The following NRXN1 variants were observed in gnomAD, a reference collection of about 807,000 sequenced individuals.
NRXN1 encodes the protein neurexin-1.
In NRXN1, 39 loss-of-function variants were observed where a neutral mutation model predicts 150.9. That is an observed-to-expected ratio of 0.26 (90% confidence interval 0.20 to 0.34). NRXN1 has a LOEUF of 0.34. Among genes scored for constraint, NRXN1 ranks in the 10% least tolerant of loss-of-function variants. The pLI is 1.00. For synonymous variants in NRXN1, 924 were observed against 757.0 expected (o/e 1.22, Z -3.62); for missense variants, 1,815 against 1,949.9 (o/e 0.93, Z 1.30).
At chr2:50,021,196 A>G (rs1687510835) in intron 21 of NRXN1, among the ~76,000 whole-genome samples, 2 of 152,302 alleles carry the variant, frequency 1.3e-5, no homozygotes, top group South Asian at 2.1e-4. Context: ...TACTGCACAA[A>G]TAGTGCTAAT....
intron 5 of NRXN1, among the ~76,000 whole-genome samples, chr2:50,699,150 T>C (rs1693375370): frequency 6.6e-6 from 1 of 152,126 alleles, no homozygotes; most frequent in African/African-American, 2.4e-5. Context: ...CAACAAACTC[T>C]TTTCTCTTAA....
At chr2:50,987,600 T>G (rs1697920223) in intron 2 of NRXN1, among the ~76,000 whole-genome samples, 1 of 152,018 alleles carries the variant, frequency 6.6e-6, no homozygotes, top group South Asian at 2.1e-4. Context: ...AAATCAGCGC[T>G]TCATGACCAC....
intron 17 of NRXN1, among the ~76,000 whole-genome samples, chr2:50,328,579 C>CA (rs1194231730): frequency 4.3e-4 from 64 of 149,834 alleles, no homozygotes; most frequent in African/African-American, 9.6e-4. Context: ...ACGAAAAATA[C>CA]AAAAAAAAAT....
At chr2:50,212,427 C>G (rs1574518675) in intron 18 of NRXN1, among the ~76,000 whole-genome samples, 1 of 147,882 alleles carries the variant, frequency 6.8e-6, no homozygotes. Flanking sequence ...GTGTGTGACC[C>G]TACAACTTAA....
intron 20 of NRXN1, among the ~76,000 whole-genome samples, chr2:50,054,292 T>C (rs963558757): frequency 6.6e-6 from 1 of 152,004 alleles, no homozygotes; most frequent in African/African-American, 2.4e-5. Context: ...TCAGGAATGA[T>C]ACACAAACCG....
chr2:50,551,312 C>G (rs895055480), intron 9 of NRXN1: 1 of 152,086 alleles, frequency 6.6e-6, no homozygotes, highest in African/African-American at 2.4e-5. Context: ...TTCTCAATTT[C>G]CATATATTCT....
intron 21 of NRXN1, chr2:50,023,598 G>T (rs1687877133): frequency 6.6e-6 from 1 of 152,178 alleles, no homozygotes; most frequent in Admixed American, 6.5e-5. Flanking sequence ...ATTCAAAAAT[G>T]AGGGAAGCAA....
At chr2:50,818,697 C>T (rs1323680509) in intron 5 of NRXN1, among the ~76,000 whole-genome samples, 1 of 151,758 alleles carries the variant, frequency 6.6e-6, no homozygotes, top group African/African-American at 2.4e-5. Context: ...AACTAAAAAG[C>T]ATATGTGCAG....
intron 18 of NRXN1, among the ~76,000 whole-genome samples, chr2:50,229,352 G>T (rs2064721341): frequency 6.6e-6 from 1 of 151,546 alleles, no homozygotes; most frequent in Non-Finnish European, 1.5e-5. Context: ...TGTAATAAAA[G>T]TAATTTTCCT....
chr2:50,836,681 T>A (rs1040637377), intron 5 of NRXN1, among the ~76,000 whole-genome samples: 2 of 152,070 alleles, frequency 1.3e-5, no homozygotes, highest in Non-Finnish European at 2.9e-5. Context: ...TAGTATTTCA[T>A]TATGCATATA....
chr2:50,477,896 T>G lies in NRXN1; in HGVS notation c.3071-5425A>C, dbSNP rs140530074. On this transcript the variant is annotated intron_variant, in intron 15 of 22. Coordinates refer to ENST00000401669, the MANE Select transcript of NRXN1 (RefSeq NM_001330078.2). ...GAAGATTGGACCTTGGAGAGAAAAT[T>G]TGGGTGCAGCTTTTTCTCCTAATTC... is the stretch of plus-strand genomic sequence containing the variant. Among the ~76,000 whole-genome samples, 176 of 152,242 alleles carry G rather than the reference T, an allele frequency of 1.2e-3. 1 individual carries two copies. Among genetic ancestry groups the G allele is most frequent in the African/African-American group, 4.1e-3 (172 of 41,536 alleles).
At chr2:50,097,710 G>C (rs1192849858) in intron 18 of NRXN1, among the ~76,000 whole-genome samples, 1 of 151,722 alleles carries the variant, frequency 6.6e-6, no homozygotes, top group African/African-American at 2.4e-5. Flanking sequence ...CACGATCTCA[G>C]CTCTCTGCAA....
chr2:50,733,661 G>A (rs551630194), intron 5 of NRXN1, among the ~76,000 whole-genome samples: 10 of 152,208 alleles, frequency 6.6e-5, no homozygotes, highest in Non-Finnish European at 1.3e-4. Context: ...AATGTGGGTG[G>A]ATAATTGGCA....
chr2:50,367,416 G>A (rs928002795), intron 17 of NRXN1, among the ~76,000 whole-genome samples: 1 of 151,932 alleles, frequency 6.6e-6, no homozygotes, highest in Admixed American at 6.6e-5. Context: ...AGTAAGTGCA[G>A]CCTGCCATAC....
intron 22 of NRXN1, among the ~76,000 whole-genome samples, chr2:49,943,447 A>C (rs1484269880): frequency 6.6e-6 from 1 of 152,212 alleles, no homozygotes; most frequent in Non-Finnish European, 1.5e-5. Context: ...AGCTAATGGA[A>C]AGTGAACAGT....
At chr2:50,653,002 G>A (rs904431323) in intron 5 of NRXN1, among the ~76,000 whole-genome samples, 1 of 151,886 alleles carries the variant, frequency 6.6e-6, no homozygotes, top group African/African-American at 2.4e-5. Context: ...CCTCGTTTTA[G>A]TATTCCTTGA....
At chr2:50,483,833 A>C (rs569403979) in intron 15 of NRXN1, among the ~76,000 whole-genome samples, 2 of 152,318 alleles carry the variant, frequency 1.3e-5, no homozygotes, top group South Asian at 4.2e-4. Context: ...GAGACTGATA[A>C]ATAGGGAACA....
intron 18 of NRXN1, among the ~76,000 whole-genome samples, chr2:50,197,685 T>C (rs75942940): frequency 6.6e-6 from 1 of 152,138 alleles, no homozygotes; most frequent in Non-Finnish European, 1.5e-5. Context: ...TATTTTTTCC[T>C]TTTGCATATG....
intron 8 of NRXN1, chr2:50,619,639 T>C (rs1016973019): frequency 5.7e-6 from 2 of 352,582 alleles, no homozygotes; most frequent in Non-Finnish European, 1.0e-5. Flanking sequence ...TTCTTCTTTT[T>C]TCTTTTAATA....
Sources: gnomAD v4.1 joint callset for allele counts (sites outside exome capture counted in the v4.1 genomes callset) on GRCh38, gnomAD v4.1.1 for gene constraint, MANE v1.5 for transcripts, NCBI Gene and HGNC (gene_info 2026-07-23, HGNC 2026-07-21) for gene names.